PTPRM: variants seen among roughly 807,000 people sequenced by gnomAD.
PTPRM encodes protein tyrosine phosphatase receptor type M, also known as receptor-type tyrosine-protein phosphatase mu.
In PTPRM, 47 loss-of-function variants were observed where a neutral mutation model predicts 186.7. The ratio of observed to expected loss-of-function variants is 0.25; its 90% CI spans 0.20 to 0.32. The LOEUF (loss-of-function observed/expected upper bound fraction) is 0.32, where lower values mean the gene tolerates loss of function less well. Ranked by LOEUF, PTPRM falls within the 10% of genes least tolerant of loss-of-function variation. The probability of loss-of-function intolerance (pLI) is 1.00; values close to 1 mark genes in which losing one functional copy is unlikely to be tolerated. For synonymous variants in PTPRM, 668 were observed against 674.9 expected, an observed-to-expected ratio of 0.99 and a Z score of 0.16; for missense variants, 1,494 against 1,865.0, an observed-to-expected ratio of 0.80 and a Z score of 3.66.
At chr18:7,986,348 A>G (rs947683898) in intron 7 of PTPRM, among the ~76,000 whole-genome samples, 1 of 152,218 alleles carries the variant, frequency 6.6e-6, no homozygotes. Context: ...TCACTTAGGA[A>G]TATTTTGTAC....
At chr18:8,402,618 C>G (rs2095878158) in intron 32 of PTPRM, among the ~76,000 whole-genome samples, 1 of 151,154 alleles carries the variant, frequency 6.6e-6, no homozygotes, top group Non-Finnish European at 1.5e-5. Context: ...ATTTCCATTA[C>G]AGAAAGAATT....
intron 1 of PTPRM, among the ~76,000 whole-genome samples, chr18:7,705,638 T>C (rs2040069813): frequency 6.6e-6 from 1 of 151,982 alleles, no homozygotes; most frequent in Non-Finnish European, 1.5e-5. Flanking sequence ...GCTGTGTTGG[T>C]TCATAGTTTT....
chr18:8,364,671 A>ATGGATACTCGGTTTGGATATCTCT (rs2095617428), intron 23 of PTPRM, among the ~76,000 whole-genome samples: 1 of 152,224 alleles, frequency 6.6e-6, no homozygotes, highest in Non-Finnish European at 1.5e-5. Context: ...TAATAGAAGT[A>ATGGATACTCGGTTTGGATATCTCT]TGGATACTCG....
intron 13 of PTPRM, among the ~76,000 whole-genome samples, chr18:8,125,012 G>A (rs1222637021): frequency 6.6e-6 from 1 of 151,902 alleles, no homozygotes; most frequent in Non-Finnish European, 1.5e-5. Flanking sequence ...GTGTAGGTGG[G>A]CCCTCCCCTA....
At chr18:7,982,757 G>A (rs2082628056) in intron 7 of PTPRM, among the ~76,000 whole-genome samples, 1 of 152,114 alleles carries the variant, frequency 6.6e-6, no homozygotes, top group South Asian at 2.1e-4. Flanking sequence ...CAGCTAGGAT[G>A]TCACTAGGCG....
At chr18:8,020,217 T>C (rs918600860) in intron 7 of PTPRM, among the ~76,000 whole-genome samples, 1 of 152,232 alleles carries the variant, frequency 6.6e-6, no homozygotes, top group Admixed American at 6.5e-5. Flanking sequence ...CCAATCTTTT[T>C]TTCGTGCGTG....
intron 7 of PTPRM, among the ~76,000 whole-genome samples, chr18:8,005,074 C>T (rs1026874654): frequency 3.9e-5 from 6 of 152,124 alleles, no homozygotes; most frequent in Non-Finnish European, 7.3e-5. Context: ...GCTTGTATAG[C>T]TAAGTGTTAA....
chr18:7,982,661 T>G (rs1190228835), intron 7 of PTPRM, among the ~76,000 whole-genome samples: 1 of 152,200 alleles, frequency 6.6e-6, no homozygotes, highest in African/African-American at 2.4e-5. Context: ...TGTGCTTGAC[T>G]TTTATATGAC....
chr18:8,152,068 G>A (rs762827059), intron 14 of PTPRM, among the ~76,000 whole-genome samples: 1 of 152,070 alleles, frequency 6.6e-6, no homozygotes. Context: ...TGTTGATCTC[G>A]CTGGGAGCTG....
intron 14 of PTPRM, among the ~76,000 whole-genome samples, chr18:8,148,336 A>G (rs182430855): frequency 1.4e-4 from 22 of 152,162 alleles, no homozygotes; most frequent in Non-Finnish European, 2.8e-4. Context: ...ACTTGTTATC[A>G]GTCTGTTCAG....
intron 6 of PTPRM, among the ~76,000 whole-genome samples, chr18:7,954,102 G>A (rs2053157763): frequency 6.6e-6 from 1 of 152,216 alleles, no homozygotes; most frequent in Non-Finnish European, 1.5e-5. Flanking sequence ...GCATCGGCAT[G>A]TGGAATACCT....
chr18:8,158,804 C>T (rs543555052), intron 14 of PTPRM, among the ~76,000 whole-genome samples: 13 of 152,222 alleles, frequency 8.5e-5, no homozygotes, highest in African/African-American at 2.6e-4. Context: ...AGCAGGAGCA[C>T]GAGAGCGAGC....
chr18:7,977,272 A>G (rs771491920), intron 7 of PTPRM, among the ~76,000 whole-genome samples: 6 of 151,994 alleles, frequency 3.9e-5, no homozygotes, highest in Non-Finnish European at 7.4e-5. Context: ...GTATTTTTGT[A>G]GAGACGGAGT....
At position 8,226,108 on chromosome 18, in the gene PTPRM, C is replaced by T. The variant is rs148017730; in HGVS notation, c.2301-17950C>T. 3.7e-3 allele frequency among the ~76,000 whole-genome samples: 560 copies of T among 151,832 alleles called. 1 individual carries two copies. Among genetic ancestry groups the T allele is most frequent in the African/African-American group, 0.013 (518 of 41,334 alleles). On this transcript the variant is annotated intron_variant, in intron 14 of 32. Coordinates refer to ENST00000580170, the MANE Select transcript of PTPRM (RefSeq NM_001105244.2). The stretch of plus-strand genomic sequence containing the variant: ...TCTTTTCACCCATCAGATTGAGGAA[C>T]GTTTCTGTAACAGATAGCAAATGTT...
At chr18:7,980,855 G>C (rs1324414661) in intron 7 of PTPRM, among the ~76,000 whole-genome samples, 1 of 152,048 alleles carries the variant, frequency 6.6e-6, no homozygotes, top group African/African-American at 2.4e-5. Flanking sequence ...TTCATGTGTT[G>C]ATCTGTCTCC....
intron 1 of PTPRM, among the ~76,000 whole-genome samples, chr18:7,573,116 G>T (rs1339649068): frequency 4.6e-5 from 7 of 152,150 alleles, no homozygotes; most frequent in Non-Finnish European, 1.0e-4. Context: ...TAAGGGTCTG[G>T]GAGTATGTGA....
intron 19 of PTPRM, among the ~76,000 whole-genome samples, chr18:8,269,806 T>C (rs1348740263): frequency 6.6e-6 from 1 of 152,020 alleles, no homozygotes; most frequent in East Asian, 1.9e-4. Flanking sequence ...CTTCAATAAA[T>C]GGTGTTGGGG....
At chr18:8,374,720 A>G (rs116171458) in intron 24 of PTPRM, among the ~76,000 whole-genome samples, 2,620 of 152,342 alleles carry the variant, frequency 0.017, 74 homozygotes, top group African/African-American at 0.058. Flanking sequence ...AAAGAATGGC[A>G]TTTTCACAGA....
chr18:8,238,645 T>TTGTG lies in PTPRM; in HGVS notation c.2301-5409_2301-5406dup, dbSNP rs754185349. ...GTTTGCTCTGTCTCTTCACACTGTT[T>TTGTG]TGTGTGTTTTTTTTTTTTTTTTTTT... On this transcript the variant is annotated intron_variant, in intron 14 of 32. Transcript: ENST00000580170. Among the ~76,000 whole-genome samples the TTGTG allele has an allele frequency of 5.8e-3, 676 of 116,050 alleles. 8 individuals carry two copies. The highest frequency in any genetic ancestry group is 0.021 in the African/African-American group (598 of 27,836). The allele number at this position is 116,050 out of a possible 152,430, so 76.1% of individuals were successfully genotyped here.
Sources: gnomAD v4.1 joint callset for allele counts (sites outside exome capture counted in the v4.1 genomes callset) on GRCh38, gnomAD v4.1.1 for gene constraint, MANE v1.5 for transcripts, NCBI Gene and HGNC (gene_info 2026-07-23, HGNC 2026-07-21) for gene names.